The following GRHL2 variants were observed in gnomAD, a reference collection of about 807,000 sequenced individuals.
The protein encoded by GRHL2 is grainyhead-like protein 2 homolog.
In GRHL2, 21 loss-of-function variants were observed where a neutral mutation model predicts 83.8. The ratio of observed to expected loss-of-function variants is 0.25; its 90% CI spans 0.18 to 0.36. The LOEUF (loss-of-function observed/expected upper bound fraction) is 0.36. GRHL2 is among the 10% of genes least tolerant of loss of function. GRHL2 has a pLI of 1.00. For synonymous variants in GRHL2, 280 were observed against 278.9 expected, an observed-to-expected ratio of 1.00 and a Z score of -0.04; for missense variants, 623 against 781.8, an observed-to-expected ratio of 0.80 and a Z score of 2.42.
At chr8:101,610,842 A>G (rs1298813549) in intron 8 of GRHL2, among the ~76,000 whole-genome samples, 3 of 150,942 alleles carry the variant, frequency 2.0e-5, no homozygotes, top group Admixed American at 2.0e-4. Context: ...CTCAAGAGAC[A>G]AGGGTTGGTG....
chr8:101,592,981 C>G (rs2130293916), intron 7 of GRHL2, among the ~76,000 whole-genome samples: 1 of 152,266 alleles, frequency 6.6e-6, no homozygotes, highest in South Asian at 2.1e-4. Context: ...GATGGAGTCT[C>G]TGTCACCCAA....
intron 1 of GRHL2, among the ~76,000 whole-genome samples, chr8:101,521,783 A>G (rs529050): frequency 0.057 from 8,606 of 152,318 alleles, 321 homozygotes; most frequent in Middle Eastern, 0.099. Context: ...GATTATAAAA[A>G]AAAGTTTTAA....
chr8:101,579,604 C>A (rs1258477871), intron 7 of GRHL2, among the ~76,000 whole-genome samples: 1 of 152,206 alleles, frequency 6.6e-6, no homozygotes, highest in Non-Finnish European at 1.5e-5. Context: ...GTCTCTACCC[C>A]AATCTCAACC....
intron 8 of GRHL2, among the ~76,000 whole-genome samples, chr8:101,615,561 A>G (rs946175475): frequency 6.6e-6 from 1 of 152,200 alleles, no homozygotes; most frequent in Non-Finnish European, 1.5e-5. Context: ...GAAGATCTCT[A>G]TGAAGCACAT....
intron 1 of GRHL2, among the ~76,000 whole-genome samples, chr8:101,509,111 T>TC: frequency 4.0e-5 from 1 of 24,786 alleles, no homozygotes; most frequent in Non-Finnish European, 8.2e-5. Flanking sequence ...CTTTCTCTCC[T>TC]TCCTTCCTTC....
At chr8:101,600,020 GA>G (rs1433419739) in intron 8 of GRHL2, among the ~76,000 whole-genome samples, 2 of 152,182 alleles carry the variant, frequency 1.3e-5, no homozygotes, top group African/African-American at 4.8e-5. Context: ...TCAAACTAAT[GA>G]AAAGGTCAAT....
chr8:101,597,523 C>A (rs1303167620), intron 7 of GRHL2, among the ~76,000 whole-genome samples: 1 of 152,136 alleles, frequency 6.6e-6, no homozygotes, highest in Admixed American at 6.5e-5. Context: ...AGTTCATGTC[C>A]TTTGTAGGGA....
At chr8:101,499,194 T>A (rs1352515669) in intron 1 of GRHL2, among the ~76,000 whole-genome samples, 1 of 152,136 alleles carries the variant, frequency 6.6e-6, no homozygotes, top group Non-Finnish European at 1.5e-5. Context: ...TCAAATCAGA[T>A]TTTTTGGATG....
rs567253376 is a variant in GRHL2 at position 101,644,292 on chromosome 8, C to T, written c.1612+67C>T. 3.8e-5 allele frequency: 49 copies of T among 1,300,706 alleles called. No individual in the cohort carries two copies. The African/African-American group carries it at 5.7e-4, about 15-fold the overall frequency. The allele number at this position is 1,300,706 out of a possible 1,614,324, so 80.6% of individuals were successfully genotyped here. A position where few individuals can be genotyped will look rare whatever the true frequency, so the allele number is the denominator to read the frequency against. Reference sequence around the variant, plus strand: ...GGGTGTCTCTCCCAAGAAGAGCTTGCAGCCCTCTTGCCCAGGCCCCCATGG... The same window carrying T: ...GGGTGTCTCTCCCAAGAAGAGCTTGTAGCCCTCTTGCCCAGGCCCCCATGG... On this transcript the variant is annotated intron_variant, in intron 13 of 15. Coordinates refer to ENST00000646743, the MANE Select transcript of GRHL2 (RefSeq NM_024915.4).
At chr8:101,604,304 A>C (rs754104792) in intron 8 of GRHL2, among the ~76,000 whole-genome samples, 1 of 152,188 alleles carries the variant, frequency 6.6e-6, no homozygotes, top group Non-Finnish European at 1.5e-5. Flanking sequence ...CTGTGAGCTC[A>C]GATTCCTGGC....
chr8:101,543,578 T>G, intron 2 of GRHL2, 142 bp downstream of exon 2: 1 of 771,588 alleles, frequency 1.3e-6, no homozygotes, highest in Non-Finnish European at 2.2e-6. Context: ...CTCTTCCTGT[T>G]CTCCTTGCTC....
chr8:101,631,656 G>T lies in GRHL2; in HGVS notation c.1277G>T (p.Arg426Leu). Residue 426 changes from arginine (R) to leucine (L), a missense_variant, in exon 10 of 16, where the codon CGA (arginine) becomes CTA (leucine). Around this residue, in one of 8 missense-constraint regions of GRHL2, gnomAD observed 210 missense variants for 254.8 expected, o/e 0.82. Transcript: ENST00000646743. ...TATCAGGGAGCAGAAAGAAAAATCC[G>T]AGATGAAGAGCGGAAGCAGAACAGG... ...FCDKGAERKI[R>L]DEERKQNRKK... The T allele has an allele frequency of 6.2e-7, 1 of 1,613,544 alleles. No individual in the cohort carries two copies. The highest frequency in any genetic ancestry group is 8.5e-7 in the Non-Finnish European group (1 of 1,179,666).
At chr8:101,581,928 G>T (rs964532174) in intron 7 of GRHL2, among the ~76,000 whole-genome samples, 13 of 152,202 alleles carry the variant, frequency 8.5e-5, no homozygotes, top group Admixed American at 5.9e-4. Flanking sequence ...CATAGATACA[G>T]TAATCAAGAC....
At chr8:101,536,887 A>G (rs1307885322) in intron 1 of GRHL2, among the ~76,000 whole-genome samples, 2 of 152,014 alleles carry the variant, frequency 1.3e-5, no homozygotes, top group African/African-American at 4.8e-5. Context: ...TAAGCCTAGT[A>G]CCCAATAGTC....
At chr8:101,567,681 T>C (rs753446650) in intron 4 of GRHL2, among the ~76,000 whole-genome samples, 1 of 152,246 alleles carries the variant, frequency 6.6e-6, no homozygotes, top group Non-Finnish European at 1.5e-5. Context: ...ACAGTTCTTG[T>C]CCTCATGCAT....
Position 101,636,917 on chromosome 8 carries a change from T to C in GRHL2, c.1506T>C (p.Asp502=). The C allele has an allele frequency of 6.2e-7, 1 of 1,613,878 alleles. No individual in the cohort carries two copies. Among genetic ancestry groups the C allele is most frequent in the Non-Finnish European group, 8.5e-7 (1 of 1,179,752 alleles). The change falls in exon 12 of 16, where the codon GAT becomes GAC. Residue 502 remains aspartate, a synonymous_variant. Coordinates refer to ENST00000646743, the MANE Select transcript of GRHL2 (RefSeq NM_024915.4). The stretch of plus-strand genomic sequence containing the variant: ...CACAGGTGTATTACAACACGGATGA[T>C]GAACGAGAAGGGTAAGACACTCAGT... ...RTGQVYYNTD[D]EREGGSVLVK...
chr8:101,515,592 C>T (rs1810556730), intron 1 of GRHL2, among the ~76,000 whole-genome samples: 2 of 152,156 alleles, frequency 1.3e-5, no homozygotes, highest in Admixed American at 1.3e-4. Context: ...TAAGTGTTTT[C>T]ACATGGAAGC....
chr8:101,499,358 C>T (rs1013689306), intron 1 of GRHL2, among the ~76,000 whole-genome samples: 1 of 152,144 alleles, frequency 6.6e-6, no homozygotes, highest in Non-Finnish European at 1.5e-5. Context: ...TTACTTCCTC[C>T]CTTATTTAAA....
chr8:101,609,254 C>T (rs1276041370), intron 8 of GRHL2, among the ~76,000 whole-genome samples: 3 of 150,490 alleles, frequency 2.0e-5, no homozygotes, highest in African/African-American at 7.5e-5. Context: ...AGAGGGCCAC[C>T]AAAGTCCAAT....
Sources: gnomAD v4.1 joint callset for allele counts (sites outside exome capture counted in the v4.1 genomes callset) on GRCh38, gnomAD v4.1.1 for gene constraint, gnomAD v4.1.1 regional missense constraint, MANE v1.5 for transcripts, NCBI Gene and HGNC (gene_info 2026-07-23, HGNC 2026-07-21) for gene names.